The following SH3BGR variants were observed in gnomAD, a reference collection of about 807,000 sequenced individuals.
SH3BGR encodes the protein SH3 domain binding glutamate rich protein, also known as SH3 domain-binding glutamic acid-rich protein.
Under a neutral mutation model 24.5 loss-of-function variants are expected in SH3BGR, and 29 were observed. The observed-to-expected ratio is 1.18, with a 90% CI of 0.88 to 1.61. The LOEUF (loss-of-function observed/expected upper bound fraction) is 1.61, where lower values mean the gene tolerates loss of function less well. SH3BGR is among the 40% of genes most tolerant of loss of function. The pLI is 0.00. For synonymous variants in SH3BGR, 55 were observed against 65.7 expected, an observed-to-expected ratio of 0.84 and a Z score of 0.79; for missense variants, 162 against 205.8, an observed-to-expected ratio of 0.79 and a Z score of 1.30.
upstream of SH3BGR, among the ~76,000 whole-genome samples, chr21:39,448,876 C>T (rs2077541436): frequency 6.6e-6 from 1 of 151,944 alleles, no homozygotes; most frequent in South Asian, 2.1e-4. Context: ...GGAAACATTC[C>T]CTCCCTCAGT....
chr21:39,500,034 G>T, intron 4 of SH3BGR, 119 bp downstream of exon 4: 1 of 718,068 alleles, frequency 1.4e-6, no homozygotes, highest in Non-Finnish European at 2.5e-6. Context: ...GGAGCTGAGA[G>T]TTTAGCCAGG....
chr21:39,463,181 G>A (rs1169366338), intron 2 of SH3BGR, among the ~76,000 whole-genome samples: 1 of 152,158 alleles, frequency 6.6e-6, no homozygotes, highest in Non-Finnish European at 1.5e-5. Flanking sequence ...ACGGTGCCCA[G>A]CAAGTTTTCA....
intron 1 of SH3BGR, 30 bp from the exon 2 acceptor site, chr21:39,462,345 A>T (rs767191873): frequency 7.0e-5 from 107 of 1,531,528 alleles, no homozygotes; most frequent in Non-Finnish European, 8.5e-5. Flanking sequence ...TTTTTCATAA[A>T]CAGCCTAATA....
intron 3 of SH3BGR, chr21:39,492,007 T>C (rs1312171671): frequency 6.6e-6 from 1 of 152,344 alleles, no homozygotes; most frequent in Non-Finnish European, 1.5e-5. Context: ...TTTTAACTTA[T>C]CTATTGTATT....
intron 3 of SH3BGR, among the ~76,000 whole-genome samples, chr21:39,495,941 G>A (rs543717089): frequency 1.9e-4 from 29 of 152,172 alleles, no homozygotes; most frequent in Middle Eastern, 3.4e-3. Context: ...GAAGATATTC[G>A]ATATAATTTA....
intron 3 of SH3BGR, among the ~76,000 whole-genome samples, chr21:39,496,423 C>G (rs1270108316): frequency 6.6e-6 from 1 of 150,378 alleles, no homozygotes; most frequent in African/African-American, 2.4e-5. Flanking sequence ...TGGCGTGAAC[C>G]CAGGAAGCGG....
chr21:39,467,965 G>A lies in SH3BGR; in HGVS notation c.231+5405G>A, dbSNP rs574084149. 9.8e-5 allele frequency among the ~76,000 whole-genome samples: 15 copies of A among 152,330 alleles called. No individual in the cohort carries two copies. In the East Asian group the frequency reaches 2.5e-3, roughly 25 times the overall value. On this transcript the variant is annotated intron_variant, in intron 2 of 6. Coordinates refer to ENST00000333634, the MANE Select transcript of SH3BGR (RefSeq NM_007341.3). ...AGGCACAGTTGAGGCCAGGCTCCCC[G>A]CCTGACAGAGGAATGTGAACTGGAA...
chr21:39,498,606 G>A (rs886356989), intron 3 of SH3BGR, among the ~76,000 whole-genome samples: 6 of 152,238 alleles, frequency 3.9e-5, no homozygotes, highest in East Asian at 3.9e-4. Context: ...TACATAATGC[G>A]GGTGACAAAA....
intron 2 of SH3BGR, among the ~76,000 whole-genome samples, chr21:39,471,308 G>A (rs7278892): frequency 0.43 from 65,512 of 151,972 alleles, 16,617 homozygotes; most frequent in African/African-American, 0.7. Context: ...TTGGCCAGGC[G>A]AGATGTTGCA....
chr21:39,467,912 T>G (rs565788432), intron 2 of SH3BGR, among the ~76,000 whole-genome samples: 1 of 152,308 alleles, frequency 6.6e-6, no homozygotes, highest in East Asian at 1.9e-4. Context: ...ACTGTTAGAT[T>G]GAGAAAGGAG....
chr21:39,480,875 C>T (rs1285536947), intron 3 of SH3BGR, among the ~76,000 whole-genome samples: 1 of 152,186 alleles, frequency 6.6e-6, no homozygotes, highest in Non-Finnish European at 1.5e-5. Context: ...ACACTGGAGA[C>T]TCATTTAACT....
chr21:39,479,466 T>G (rs1189820253), intron 3 of SH3BGR, among the ~76,000 whole-genome samples: 1 of 151,318 alleles, frequency 6.6e-6, no homozygotes, highest in African/African-American at 2.4e-5. Context: ...GTGGTGATGT[T>G]GGTGTTGGTG....
At chr21:39,500,464 G>A (rs938631372) in intron 4 of SH3BGR, among the ~76,000 whole-genome samples, 19 of 152,262 alleles carry the variant, frequency 1.2e-4, no homozygotes, top group African/African-American at 4.6e-4. Flanking sequence ...CCATGCAGTA[G>A]CAGCAGGGTA....
At chr21:39,477,920 G>A (rs1241833701) in intron 3 of SH3BGR, among the ~76,000 whole-genome samples, 1 of 152,124 alleles carries the variant, frequency 6.6e-6, no homozygotes, top group South Asian at 2.1e-4. Flanking sequence ...GTGATGTTGT[G>A]AAATACGTAT....
chr21:39,490,481 ATTC>A (rs1336542973), intron 3 of SH3BGR, among the ~76,000 whole-genome samples: 1 of 152,104 alleles, frequency 6.6e-6, no homozygotes, highest in African/African-American at 2.4e-5. Context: ...CTGTCAATTT[ATTC>A]TTCTTGTATT....
intron 1 of SH3BGR, 111 bp downstream of exon 1, chr21:39,452,252 C>A: frequency 1.6e-6 from 2 of 1,264,860 alleles, no homozygotes; most frequent in Non-Finnish European, 2.3e-6. Context: ...TCAGCTGTGG[C>A]TCTGCAATAA....
intron 3 of SH3BGR, among the ~76,000 whole-genome samples, chr21:39,490,398 T>G (rs2078279798): frequency 6.6e-6 from 1 of 152,208 alleles, no homozygotes; most frequent in African/African-American, 2.4e-5. Flanking sequence ...TCCGTTTGGA[T>G]TTTTGCACAG....
intron 1 of SH3BGR, among the ~76,000 whole-genome samples, chr21:39,461,225 C>G (rs546630372): frequency 6.6e-6 from 1 of 151,630 alleles, no homozygotes; most frequent in African/African-American, 2.4e-5. Flanking sequence ...CAACCTCCAC[C>G]TCCTGGGTTC....
intron 3 of SH3BGR, among the ~76,000 whole-genome samples, chr21:39,495,117 A>G (rs2078371044): frequency 2.4e-5 from 1 of 42,102 alleles, no homozygotes; most frequent in African/African-American, 9.9e-5. Context: ...TTGCCTTTAC[A>G]TCTTTGAGAA....
Sources: gnomAD v4.1 joint callset for allele counts (sites outside exome capture counted in the v4.1 genomes callset) on GRCh38, gnomAD v4.1.1 for gene constraint, MANE v1.5 for transcripts, NCBI Gene and HGNC (gene_info 2026-07-23, HGNC 2026-07-21) for gene names.